Variants in CPA6 observed in about 807,000 individuals in gnomAD.
CPA6 encodes carboxypeptidase B.
A neutral mutation model predicts 63.3 loss-of-function variants in CPA6; 58 were observed. The observed-to-expected ratio is 0.92, with a 90% CI of 0.74 to 1.14. The LOEUF is 1.14. CPA6 is among the 50% of genes most tolerant of loss of function. The pLI, the probability that CPA6 is intolerant of heterozygous loss-of-function variation, is 0.00. For synonymous variants in CPA6, 185 were observed against 179.0 expected, an observed-to-expected ratio of 1.03 and a Z score of -0.27; for missense variants, 565 against 526.6, an observed-to-expected ratio of 1.07 and a Z score of -0.71.
chr8:67,737,532 CCTGCACTCA>C (rs1171438711), intron 1 of CPA6, among the ~76,000 whole-genome samples: 1 of 152,106 alleles, frequency 6.6e-6, no homozygotes, highest in Non-Finnish European at 1.5e-5. Flanking sequence ...GTGACCCTCT[CCTGCACTCA>C]CTTGATATCT....
chr8:67,703,522 C>A (rs186254539), intron 1 of CPA6, among the ~76,000 whole-genome samples: 1 of 152,232 alleles, frequency 6.6e-6, no homozygotes, highest in East Asian at 1.9e-4. Context: ...CCTGCCAGAT[C>A]GTCTGCCTTG....
intron 8 of CPA6, among the ~76,000 whole-genome samples, chr8:67,464,388 G>A (rs1327562044): frequency 2.0e-5 from 3 of 152,068 alleles, no homozygotes; most frequent in Admixed American, 1.3e-4. Context: ...TTTGCTTGTC[G>A]AGTTAAGTTC....
chr8:67,679,426 G>A (rs1401034019), intron 1 of CPA6, among the ~76,000 whole-genome samples: 1 of 152,174 alleles, frequency 6.6e-6, no homozygotes, highest in African/African-American at 2.4e-5. Context: ...CTAGTCATCT[G>A]CTTTGAATGG....
intron 8 of CPA6, among the ~76,000 whole-genome samples, chr8:67,464,429 A>G (rs1275633969): frequency 6.6e-6 from 1 of 152,202 alleles, no homozygotes; most frequent in Non-Finnish European, 1.5e-5. Flanking sequence ...GACCTTTGTC[A>G]GATACATAGT....
intron 1 of CPA6, among the ~76,000 whole-genome samples, chr8:67,678,549 A>C (rs564571406): frequency 1.3e-5 from 2 of 152,214 alleles, no homozygotes; most frequent in Non-Finnish European, 2.9e-5. Context: ...GCTATCAGAG[A>C]TATGCAAATT....
chr8:67,572,628 C>T (rs557693736), intron 2 of CPA6, among the ~76,000 whole-genome samples: 86 of 152,146 alleles, frequency 5.7e-4, no homozygotes, highest in African/African-American at 1.8e-3. Flanking sequence ...TCTTTTATAG[C>T]GACACAAAAT....
intron 2 of CPA6, among the ~76,000 whole-genome samples, chr8:67,582,353 G>T (rs1436206497): frequency 6.6e-6 from 1 of 152,180 alleles, no homozygotes; most frequent in Admixed American, 6.5e-5. Flanking sequence ...CACCATAGTT[G>T]TGAGTAGGAG....
intron 1 of CPA6, among the ~76,000 whole-genome samples, chr8:67,664,127 C>G (rs181793423): frequency 1.0e-3 from 153 of 152,312 alleles, no homozygotes; most frequent in South Asian, 1.9e-3. Context: ...GGTGGTCTCA[C>G]AAATGATGGG....
chr8:67,483,636 T>C (rs1811406013), intron 8 of CPA6, 132 bp downstream of exon 8: 1 of 790,780 alleles, frequency 1.3e-6, no homozygotes. Context: ...TGTACGTATC[T>C]GTACCTTTCT....
At chr8:67,521,985 T>C (rs1486665082) in intron 2 of CPA6, among the ~76,000 whole-genome samples, 1 of 152,128 alleles carries the variant, frequency 6.6e-6, no homozygotes, top group Non-Finnish European at 1.5e-5. Flanking sequence ...TTTAATAATG[T>C]TAGTAGTGAT....
At chr8:67,711,409 C>G (rs1415321708) in intron 1 of CPA6, among the ~76,000 whole-genome samples, 2 of 152,098 alleles carry the variant, frequency 1.3e-5, no homozygotes, top group Non-Finnish European at 2.9e-5. Flanking sequence ...AGGGTTTCCA[C>G]ACAGCATTTG....
chr8:67,610,618 C>A, intron 2 of CPA6, among the ~76,000 whole-genome samples: 1 of 152,176 alleles, frequency 6.6e-6, no homozygotes, highest in East Asian at 1.9e-4. Context: ...CTTCCCAGGG[C>A]CATGCCATTT....
chr8:67,427,963 C>G, intron 10 of CPA6, 84 bp downstream of exon 10: 1 of 890,054 alleles, frequency 1.1e-6, no homozygotes, highest in African/African-American at 1.7e-5. Context: ...GGAGAACACA[C>G]TTTCTCCCTT....
At chr8:67,700,493 T>G (rs892812651) in intron 1 of CPA6, among the ~76,000 whole-genome samples, 1 of 137,086 alleles carries the variant, frequency 7.3e-6, no homozygotes, top group African/African-American at 3.1e-5. Context: ...AGTCAATAGA[T>G]GTTGTAATTC....
chr8:67,454,729 T>C (rs1328998291), intron 8 of CPA6, among the ~76,000 whole-genome samples: 1 of 152,178 alleles, frequency 6.6e-6, no homozygotes, highest in African/African-American at 2.4e-5. Context: ...GGAAATTTAG[T>C]CTTGTCTAAT....
chr8:67,536,171 TTG>T (rs1812580886), intron 2 of CPA6, among the ~76,000 whole-genome samples: 2 of 152,112 alleles, frequency 1.3e-5, no homozygotes, highest in Non-Finnish European at 1.5e-5. Flanking sequence ...ATTGTCTTGG[TTG>T]TGTGGGCTCT....
intron 1 of CPA6, among the ~76,000 whole-genome samples, chr8:67,745,364 C>G (rs1260496773): frequency 3.3e-5 from 5 of 152,212 alleles, no homozygotes; most frequent in Non-Finnish European, 7.3e-5. Context: ...CACACGGCTT[C>G]CAGCCCTCTG....
chr8:67,684,009 A>G (rs1461231030), intron 1 of CPA6, among the ~76,000 whole-genome samples: 1 of 118,504 alleles, frequency 8.4e-6, no homozygotes, highest in African/African-American at 4.4e-5. Flanking sequence ...ATGTATATAT[A>G]TATATATATA....
chr8:67,609,388 T>C (rs933239962), intron 2 of CPA6, among the ~76,000 whole-genome samples: 15 of 152,246 alleles, frequency 9.9e-5, no homozygotes, highest in African/African-American at 3.6e-4. Context: ...ATGTTTCTTA[T>C]ATTCCTGACC....
Sources: gnomAD v4.1 joint callset for allele counts (sites outside exome capture counted in the v4.1 genomes callset) on GRCh38, gnomAD v4.1.1 for gene constraint, MANE v1.5 for transcripts, NCBI Gene and HGNC (gene_info 2026-07-23, HGNC 2026-07-21) for gene names.